The following CERK variants were observed in gnomAD, a reference collection of about 807,000 sequenced individuals.
The protein encoded by CERK is ceramide kinase.
CERK carries 39 observed loss-of-function variants against 63.4 expected under a neutral mutation model. That is an observed-to-expected ratio of 0.61 (90% CI 0.48 to 0.80). The LOEUF (loss-of-function observed/expected upper bound fraction) is 0.80. Ranked by LOEUF, CERK falls within the 30% of genes least tolerant of loss-of-function variation. CERK has a pLI of 0.00. For missense variants in CERK, 670 were observed against 714.1 expected (o/e 0.94, Z 0.70); for synonymous variants, 302 against 280.0 (o/e 1.08, Z -0.78).
intron 3 of CERK, among the ~76,000 whole-genome samples, chr22:46,716,139 G>A (rs1017949541): frequency 4.6e-5 from 7 of 151,980 alleles, no homozygotes; most frequent in East Asian, 1.9e-4. Flanking sequence ...GCAGTGAACC[G>A]TGATTGTGCC....
intron 10 of CERK, among the ~76,000 whole-genome samples, chr22:46,692,930 G>T (rs1300113538): frequency 3.4e-5 from 5 of 147,020 alleles, no homozygotes; most frequent in Non-Finnish European, 7.5e-5. Flanking sequence ...AAAAAGAAGA[G>T]AAAGAGAAAA....
chr22:46,730,548 A>G (rs2082940541), intron 1 of CERK, among the ~76,000 whole-genome samples: 1 of 152,226 alleles, frequency 6.6e-6, no homozygotes, highest in African/African-American at 2.4e-5. Flanking sequence ...AATGAATTAG[A>G]TAGAGGAATA....
intron 5 of CERK, 128 bp downstream of exon 5, chr22:46,710,958 T>A (rs934001979): frequency 2.9e-6 from 2 of 685,706 alleles, no homozygotes; most frequent in African/African-American, 3.6e-5. Context: ...GAAGCATGTT[T>A]ACTTTTACAA....
At chr22:46,703,073 T>C (rs914593225) in intron 6 of CERK, among the ~76,000 whole-genome samples, 6 of 152,132 alleles carry the variant, frequency 3.9e-5, no homozygotes, top group Non-Finnish European at 5.9e-5. Flanking sequence ...TAGCAGGCAA[T>C]GCTGGCTGAA....
intron 1 of CERK, among the ~76,000 whole-genome samples, chr22:46,732,824 G>A (rs1008554584): frequency 4.6e-5 from 7 of 152,096 alleles, no homozygotes; most frequent in Non-Finnish European, 2.9e-5. Flanking sequence ...GTTTTCTTCC[G>A]TGAATCGCCT....
intron 1 of CERK, 117 bp downstream of exon 1, chr22:46,737,890 G>T: frequency 1.4e-6 from 1 of 694,682 alleles, no homozygotes; most frequent in Non-Finnish European, 1.9e-6. Context: ...CGCTCCCAGG[G>T]CCCCCGGCCT....
At chr22:46,705,647 G>T (rs1390185634) in intron 6 of CERK, among the ~76,000 whole-genome samples, 1 of 152,110 alleles carries the variant, frequency 6.6e-6, no homozygotes, top group Admixed American at 6.5e-5. Flanking sequence ...CTCCAGCCTG[G>T]ACGACAAAGT....
At chr22:46,720,056 T>C (rs2082884430) in intron 3 of CERK, 30 bp downstream of exon 3, 2 of 1,606,732 alleles carry the variant, frequency 1.2e-6, no homozygotes, top group Non-Finnish European at 1.7e-6. Context: ...ACCACGGCCA[T>C]CCTGTCTCTC....
At chr22:46,699,106 G>T (rs1168297274) in intron 8 of CERK, among the ~76,000 whole-genome samples, 1 of 151,796 alleles carries the variant, frequency 6.6e-6, no homozygotes, top group Non-Finnish European at 1.5e-5. Flanking sequence ...GGGTCCAGGG[G>T]GCAGGATCTG....
chr22:46,713,508 C>CAAAAAAAAAAAAAAAA (rs34168827), intron 3 of CERK, among the ~76,000 whole-genome samples: 17 of 74,282 alleles, frequency 2.3e-4, no homozygotes, highest in East Asian at 4.1e-4. Flanking sequence ...GACTTCATCT[C>CAAAAAAAAAAAAAAAA]AAAAAAAAAA....
In CERK at chr22:46,711,597, A is replaced by G. The variant is rs115044642; in HGVS notation, c.506-448T>C. ...CGGTGTGTGATGTGAGATTATTTCT[A>G]AGACTTATTAATCCTTTGTGTCTCC... On this transcript the variant is annotated intron_variant, in intron 4 of 12. Coordinates refer to ENST00000216264, the MANE Select transcript of CERK (RefSeq NM_022766.6). Among the ~76,000 whole-genome samples the G allele has an allele frequency of 7.2e-3, 1,095 of 152,278 alleles. 12 individuals are homozygous for G. Among genetic ancestry groups the G allele is most frequent in the African/African-American group, 0.025 (1,043 of 41,560 alleles).
chr22:46,698,850 G>A (rs1046239774), intron 8 of CERK, among the ~76,000 whole-genome samples: 12 of 152,190 alleles, frequency 7.9e-5, no homozygotes, highest in Non-Finnish European at 1.2e-4. Flanking sequence ...GCAGTGAACC[G>A]TGATCGTGCT....
In CERK at chr22:46,693,067, C is replaced by T. The variant is rs1164589762; in HGVS notation, c.1126+360G>A. On this transcript the variant is annotated intron_variant, in intron 10 of 12. Coordinates refer to ENST00000216264, the MANE Select transcript of CERK (RefSeq NM_022766.6). ...CTGTACACTGCCTAGGCTGCCTCTG[C>T]TGGACAGAGACTGTGTGGTTGCCAG... Among the ~76,000 whole-genome samples, 3 of 152,324 alleles carry T rather than the reference C, an allele frequency of 2.0e-5. 1 individual carries two copies. In the South Asian group the frequency reaches 6.2e-4, roughly 32 times the overall value.
At chr22:46,711,431 G>A (rs895673314) in intron 4 of CERK, among the ~76,000 whole-genome samples, 4 of 152,210 alleles carry the variant, frequency 2.6e-5, no homozygotes, top group East Asian at 1.9e-4. Context: ...AAGAGATTAC[G>A]TCTCTTTTAT....
chr22:46,731,272 T>G (rs1236319643), intron 1 of CERK, among the ~76,000 whole-genome samples: 1 of 152,230 alleles, frequency 6.6e-6, no homozygotes, highest in Non-Finnish European at 1.5e-5. Context: ...TCACTGCCAC[T>G]GAGCTGCAAG....
At chr22:46,695,407 C>A in intron 8 of CERK, 92 bp from the exon 9 acceptor site, 1 of 820,742 alleles carries the variant, frequency 1.2e-6, no homozygotes, top group South Asian at 1.4e-5. Context: ...TGTCGCTGAG[C>A]GCGCATCTGC....
At chr22:46,730,785 C>G (rs2146594839) in intron 1 of CERK, among the ~76,000 whole-genome samples, 1 of 152,318 alleles carries the variant, frequency 6.6e-6, no homozygotes, top group East Asian at 1.9e-4. Flanking sequence ...GAGAAAGACA[C>G]ACGGCATCCC....
At chr22:46,736,508 A>G (rs2082974440) in intron 1 of CERK, among the ~76,000 whole-genome samples, 1 of 152,188 alleles carries the variant, frequency 6.6e-6, no homozygotes, top group Non-Finnish European at 1.5e-5. Flanking sequence ...CGCACTTAGG[A>G]AGTGCTTGGG....
intron 1 of CERK, among the ~76,000 whole-genome samples, chr22:46,722,088 T>C (rs2082895299): frequency 6.6e-6 from 1 of 152,228 alleles, no homozygotes; most frequent in Non-Finnish European, 1.5e-5. Context: ...GGAATTACTG[T>C]TAGGCATGTA....
Sources: gnomAD v4.1 joint callset for allele counts (sites outside exome capture counted in the v4.1 genomes callset) on GRCh38, gnomAD v4.1.1 for gene constraint, MANE v1.5 for transcripts, NCBI Gene and HGNC (gene_info 2026-07-23, HGNC 2026-07-21) for gene names.